GRM5: variants seen among roughly 807,000 people sequenced by gnomAD.
GRM5 encodes the protein metabotropic glutamate receptor 5.
A neutral mutation model predicts 83.1 loss-of-function variants in GRM5; 19 were observed. The ratio of observed to expected loss-of-function variants is 0.23; its 90% CI spans 0.16 to 0.34. GRM5 has a LOEUF of 0.34. GRM5 is among the 10% of genes least tolerant of loss of function. GRM5 has a pLI of 1.00. For missense variants in GRM5, 1,160 were observed against 1,588.3 expected, an observed-to-expected ratio of 0.73 and a Z score of 4.58; for synonymous variants, 675 against 633.6, an observed-to-expected ratio of 1.07 and a Z score of -0.98.
intron 3 of GRM5, among the ~76,000 whole-genome samples, chr11:88,744,594 G>A (rs1022874599): frequency 3.3e-5 from 5 of 152,078 alleles, no homozygotes; most frequent in African/African-American, 1.2e-4. Context: ...TTGAAAGGCA[G>A]GTGTCACTGG....
chr11:88,995,012 G>A (rs773298787), intron 2 of GRM5, among the ~76,000 whole-genome samples: 2 of 152,126 alleles, frequency 1.3e-5, no homozygotes, highest in Non-Finnish European at 2.9e-5. Flanking sequence ...AAACCCTGGA[G>A]ATAAAGAAAT....
At chr11:88,869,938 T>A (rs1409252571) in intron 2 of GRM5, among the ~76,000 whole-genome samples, 7 of 151,584 alleles carry the variant, frequency 4.6e-5, no homozygotes, top group Non-Finnish European at 8.9e-5. Flanking sequence ...AAGTAGATTC[T>A]TTTTGCTTGA....
chr11:88,931,974 A>C (rs1268528500), intron 2 of GRM5, among the ~76,000 whole-genome samples: 1 of 152,132 alleles, frequency 6.6e-6, no homozygotes, highest in African/African-American at 2.4e-5. Context: ...GTAGCAATTG[A>C]GTGCATCCAT....
intron 4 of GRM5, among the ~76,000 whole-genome samples, chr11:88,645,132 C>A (rs767226731): frequency 3.3e-5 from 5 of 152,108 alleles, no homozygotes; most frequent in Non-Finnish European, 5.9e-5. Context: ...TTACATTGCT[C>A]TGAACCCGTT....
intron 2 of GRM5, among the ~76,000 whole-genome samples, chr11:88,899,454 A>G (rs1441180233): frequency 6.6e-6 from 1 of 152,018 alleles, no homozygotes; most frequent in Non-Finnish European, 1.5e-5. Context: ...GGAAGAAAAT[A>G]ATTAGTAGAC....
chr11:88,898,154 T>A (rs942786600), intron 2 of GRM5, among the ~76,000 whole-genome samples: 2 of 151,900 alleles, frequency 1.3e-5, no homozygotes, highest in Non-Finnish European at 2.9e-5. Flanking sequence ...ATCACTCCAA[T>A]CCTCCATCTT....
At chr11:88,533,281 G>T (rs567594895) in intron 8 of GRM5, among the ~76,000 whole-genome samples, 1 of 152,164 alleles carries the variant, frequency 6.6e-6, no homozygotes, top group South Asian at 2.1e-4. Flanking sequence ...CTTGTTGCTT[G>T]AAGACACCAG....
chr11:88,791,691 TTAAA>T (rs2135475464), intron 3 of GRM5, among the ~76,000 whole-genome samples: 1 of 152,276 alleles, frequency 6.6e-6, no homozygotes, highest in East Asian at 1.9e-4. Context: ...GCAAGTGCTA[TTAAA>T]TAAAGGACAT....
At chr11:88,643,413 A>C (rs1565167970) in intron 4 of GRM5, among the ~76,000 whole-genome samples, 1 of 152,192 alleles carries the variant, frequency 6.6e-6, no homozygotes, top group Non-Finnish European at 1.5e-5. Flanking sequence ...GGGGATTCCA[A>C]TTCAACATGA....
At chr11:88,746,718 C>T (rs910414639) in intron 3 of GRM5, among the ~76,000 whole-genome samples, 1 of 152,064 alleles carries the variant, frequency 6.6e-6, no homozygotes, top group African/African-American at 2.4e-5. Flanking sequence ...AAGATAGAGA[C>T]TGTTAATATG....
intron 2 of GRM5, among the ~76,000 whole-genome samples, chr11:88,931,452 A>G (rs1937702897): frequency 6.6e-6 from 1 of 151,266 alleles, no homozygotes; most frequent in Non-Finnish European, 1.5e-5. Context: ...AAAAAAAAAA[A>G]TCATCCTAAT....
At chr11:88,597,016 A>T (rs79770608) in intron 6 of GRM5, among the ~76,000 whole-genome samples, 168 bp downstream of exon 6, 14 of 152,132 alleles carry the variant, frequency 9.2e-5, no homozygotes, top group African/African-American at 3.4e-4. Flanking sequence ...TAATAAGACT[A>T]TTGTGAGTTG....
At chr11:88,832,790 G>A (rs1565252593) in intron 3 of GRM5, among the ~76,000 whole-genome samples, 1 of 152,072 alleles carries the variant, frequency 6.6e-6, no homozygotes, top group Admixed American at 6.6e-5. Flanking sequence ...GAACAGAATA[G>A]AGAACCCAGA....
chr11:88,790,917 G>A (rs148428871), intron 3 of GRM5, among the ~76,000 whole-genome samples: 1 of 152,236 alleles, frequency 6.6e-6, no homozygotes, highest in Non-Finnish European at 1.5e-5. Context: ...GGGAGCCTCT[G>A]GAAATTTATA....
intron 8 of GRM5, among the ~76,000 whole-genome samples, chr11:88,543,633 C>CT (rs57828466): frequency 0.022 from 2,893 of 133,736 alleles, 70 homozygotes; most frequent in East Asian, 0.062. Context: ...TCATGTTATC[C>CT]TTTTTTTTTT....
At chr11:88,815,190 T>G (rs1237051391) in intron 3 of GRM5, among the ~76,000 whole-genome samples, 3 of 152,168 alleles carry the variant, frequency 2.0e-5, no homozygotes, top group Non-Finnish European at 4.4e-5. Flanking sequence ...TAAATCAAGC[T>G]TTAATAAATT....
At chr11:88,912,875 G>A (rs1945522884) in intron 2 of GRM5, among the ~76,000 whole-genome samples, 1 of 152,130 alleles carries the variant, frequency 6.6e-6, no homozygotes, top group African/African-American at 2.4e-5. Flanking sequence ...CCTCATGCCA[G>A]TCCCTTAAAT....
At chr11:88,599,910 G>A (rs1311950008) in intron 5 of GRM5, among the ~76,000 whole-genome samples, 1 of 152,176 alleles carries the variant, frequency 6.6e-6, no homozygotes, top group African/African-American at 2.4e-5. Flanking sequence ...CTACTTGGGA[G>A]GCTGAGGCAG....
At chr11:88,574,985 C>CTTTTTTTTTTTTT (rs796257304) in intron 7 of GRM5, among the ~76,000 whole-genome samples, 63 of 116,162 alleles carry the variant, frequency 5.4e-4, no homozygotes, top group African/African-American at 1.9e-3. Flanking sequence ...CTTTTCTTTT[C>CTTTTTTTTTTTTT]TTTTTTTTTT....
Sources: gnomAD v4.1 joint callset for allele counts (sites outside exome capture counted in the v4.1 genomes callset) on GRCh38, gnomAD v4.1.1 for gene constraint, MANE v1.5 for transcripts, NCBI Gene and HGNC (gene_info 2026-07-23, HGNC 2026-07-21) for gene names.